PDE12: variants seen among roughly 807,000 people sequenced by gnomAD.
The protein encoded by PDE12 is phosphodiesterase 12.
PDE12 carries 26 observed loss-of-function variants against 45.4 expected under a neutral mutation model. The observed-to-expected ratio is 0.57, with a 90% CI of 0.42 to 0.79. The LOEUF (loss-of-function observed/expected upper bound fraction) is 0.79, where lower values mean the gene tolerates loss of function less well. Among genes scored for constraint, PDE12 ranks in the 30% least tolerant of loss-of-function variants. PDE12 has a pLI of 0.00. For synonymous variants in PDE12, 283 were observed against 323.9 expected (o/e 0.87, Z 1.36); for missense variants, 668 against 790.0 (o/e 0.85, Z 1.85).
chr3:57,613,900 C>CAAAAAAAAAAAAAA, the PDE12 span, among the ~76,000 whole-genome samples: 1 of 59,454 alleles, frequency 1.7e-5, no homozygotes, highest in Non-Finnish European at 2.9e-5. Flanking sequence ...GACTCCATCT[C>CAAAAAAAAAAAAAA]AAAAAAAAAA....
the PDE12 span, among the ~76,000 whole-genome samples, chr3:57,595,988 C>T: frequency 6.6e-6 from 1 of 151,850 alleles, no homozygotes; most frequent in Non-Finnish European, 1.5e-5. Flanking sequence ...AAAACCTCCT[C>T]CGGTAGAAAA....
chr3:57,634,455 G>A, the PDE12 span: 16 of 512,398 alleles, frequency 3.1e-5, no homozygotes, highest in Admixed American at 4.7e-4. Context: ...AAAAAAAGGA[G>A]AGATCCTATT....
At chr3:57,583,866 G>A in the PDE12 span, 4 of 1,451,984 alleles carry the variant, frequency 2.8e-6, no homozygotes, top group Non-Finnish European at 3.8e-6. Context: ...AACCCACAAA[G>A]AAAAGTTATA....
chr3:57,635,855 C>A, the PDE12 span, among the ~76,000 whole-genome samples: 1 of 152,236 alleles, frequency 6.6e-6, no homozygotes, highest in South Asian at 2.1e-4. Flanking sequence ...GCCTCTGCCA[C>A]CCCTGAGTTA....
chr3:57,584,365 C>A, the PDE12 span: 1 of 1,559,802 alleles, frequency 6.4e-7, no homozygotes. Context: ...GATATAAAGT[C>A]ATCTGTAAAC....
the PDE12 span, chr3:57,628,356 A>C: frequency 1.2e-6 from 2 of 1,610,438 alleles, no homozygotes; most frequent in Non-Finnish European, 1.7e-6. Context: ...CTACATAAGG[A>C]ACATTTCATA....
chr3:57,620,627 T>C, the PDE12 span, among the ~76,000 whole-genome samples: 2 of 152,148 alleles, frequency 1.3e-5, no homozygotes, highest in African/African-American at 2.4e-5. Flanking sequence ...TATAGCAAGA[T>C]TGTAGGATAC....
At chr3:57,594,205 C>T in the PDE12 span, among the ~76,000 whole-genome samples, 3 of 152,216 alleles carry the variant, frequency 2.0e-5, no homozygotes, top group African/African-American at 7.2e-5. Flanking sequence ...GCCTGGGAGA[C>T]AAGAGTGAAA....
At chr3:57,630,836 G>C in the PDE12 span, 1 of 1,611,036 alleles carries the variant, frequency 6.2e-7, no homozygotes, top group Non-Finnish European at 8.5e-7. Flanking sequence ...TAGAAAACAG[G>C]ACATATAATA....
the PDE12 span, among the ~76,000 whole-genome samples, chr3:57,619,164 C>T: frequency 6.6e-6 from 1 of 151,494 alleles, no homozygotes; most frequent in African/African-American, 2.4e-5. Context: ...CTGGCTAACA[C>T]GGTGAAACCC....
chr3:57,595,533 C>T, the PDE12 span, among the ~76,000 whole-genome samples: 1 of 152,160 alleles, frequency 6.6e-6, no homozygotes, highest in African/African-American at 2.4e-5. Context: ...AATTGATTCA[C>T]AAAGTGTAAG....
the PDE12 span, among the ~76,000 whole-genome samples, chr3:57,607,928 A>G: frequency 6.6e-6 from 1 of 152,168 alleles, no homozygotes; most frequent in Non-Finnish European, 1.5e-5. Context: ...TCCAAGACAC[A>G]TAATTGTCAG....
the PDE12 span, among the ~76,000 whole-genome samples, chr3:57,648,672 T>C: frequency 6.6e-6 from 1 of 152,126 alleles, no homozygotes; most frequent in African/African-American, 2.4e-5. Context: ...AATAGGCATA[T>C]AGACCAATGG....
chr3:57,581,127 A>G, the PDE12 span, among the ~76,000 whole-genome samples: 853 of 152,366 alleles, frequency 5.6e-3, 7 homozygotes, highest in Non-Finnish European at 8.7e-3. Context: ...AGTTGGAATT[A>G]TAAGAGGAAT....
the PDE12 span, among the ~76,000 whole-genome samples, chr3:57,632,220 T>G: frequency 2.7e-5 from 4 of 150,378 alleles, no homozygotes; most frequent in African/African-American, 9.8e-5. Flanking sequence ...GAGACGGGGT[T>G]TCACCGTGTT....
At chr3:57,633,210 T>C in the PDE12 span, 1 of 1,437,262 alleles carries the variant, frequency 7.0e-7, no homozygotes, top group East Asian at 2.3e-5. Flanking sequence ...GGAAAAACAT[T>C]TATATACCCT....
the PDE12 span, among the ~76,000 whole-genome samples, chr3:57,616,864 A>C: frequency 6.6e-6 from 1 of 151,842 alleles, no homozygotes; most frequent in African/African-American, 2.4e-5. Context: ...TCTCTACTAA[A>C]ATACAAAAAA....
At chr3:57,645,430 C>T in the PDE12 span, among the ~76,000 whole-genome samples, 1 of 152,136 alleles carries the variant, frequency 6.6e-6, no homozygotes, top group African/African-American at 2.4e-5. Context: ...CACTGCACTC[C>T]AGCCTGGGCG....
Position 57,566,780 on chromosome 3 carries a change from C to A in PDE12, c.*6776C>A, listed in dbSNP as rs2069789675. 1 of 152,072 alleles carries A rather than the reference C, an allele frequency of 6.6e-6. No homozygotes were observed. The highest frequency in any genetic ancestry group is 1.5e-5 in the Non-Finnish European group (1 of 68,000). The allele number at this position is 152,072 out of a possible 1,614,324, so 9.4% of individuals were successfully genotyped here. ...GAGAAATGTCTTTTGAAATACTTTG[C>A]CCATTTAAAAATGTTATTTGTTGTT... On this transcript the variant is annotated 3_prime_UTR_variant, in exon 3 of 3. Transcript: ENST00000311180.
Sources: gnomAD v4.1 joint callset for allele counts (sites outside exome capture counted in the v4.1 genomes callset) on GRCh38, gnomAD v4.1.1 for gene constraint, MANE v1.5 for transcripts, NCBI Gene and HGNC (gene_info 2026-07-23, HGNC 2026-07-21) for gene names.